NAALADL2: variants seen among roughly 807,000 people sequenced by gnomAD.
NAALADL2 encodes N-acetylated alpha-linked acidic dipeptidase like 2.
A neutral mutation model predicts 87.2 loss-of-function variants in NAALADL2; 76 were observed. The observed-to-expected ratio is 0.87, with a 90% CI of 0.72 to 1.05. The LOEUF is 1.05. Among genes scored for constraint, NAALADL2 ranks in the 50% least tolerant of loss-of-function variants. The pLI is 0.00. For synonymous variants in NAALADL2, 354 were observed against 331.0 expected, an observed-to-expected ratio of 1.07 and a Z score of -0.75; for missense variants, 1,089 against 945.8, an observed-to-expected ratio of 1.15 and a Z score of -1.99.
intron 3 of NAALADL2, among the ~76,000 whole-genome samples, chr3:174,767,681 T>C (rs1714007394): frequency 6.6e-6 from 1 of 152,250 alleles, no homozygotes; most frequent in Non-Finnish European, 1.5e-5. Flanking sequence ...GACATGTTCA[T>C]GTAAATGAAC....
chr3:174,841,221 C>A (rs973369191), intron 3 of NAALADL2, among the ~76,000 whole-genome samples: 4 of 152,096 alleles, frequency 2.6e-5, no homozygotes, highest in Admixed American at 6.5e-5. Flanking sequence ...TGAATTGAAA[C>A]CAAACCACTT....
At chr3:174,840,549 C>T (rs544742923) in intron 3 of NAALADL2, among the ~76,000 whole-genome samples, 2 of 152,140 alleles carry the variant, frequency 1.3e-5, no homozygotes, top group Admixed American at 1.3e-4. Context: ...GCATTTTTGC[C>T]TCTATTTTTA....
intron 2 of NAALADL2, among the ~76,000 whole-genome samples, chr3:174,686,603 C>T (rs953172972): frequency 1.3e-5 from 2 of 151,688 alleles, no homozygotes; most frequent in Non-Finnish European, 2.9e-5. Context: ...ACACATAGAA[C>T]AATGGAACAG....
chr3:175,327,537 T>C (rs1357948643), intron 5 of NAALADL2, among the ~76,000 whole-genome samples: 2 of 152,152 alleles, frequency 1.3e-5, no homozygotes, highest in Non-Finnish European at 2.9e-5. Flanking sequence ...AAAATTTACA[T>C]AAATTAAAAT....
intron 9 of NAALADL2, among the ~76,000 whole-genome samples, chr3:175,555,937 C>T (rs1715197066): frequency 6.6e-6 from 1 of 152,106 alleles, no homozygotes; most frequent in African/African-American, 2.4e-5. Context: ...AATGAAAAAG[C>T]CTCTTAATTC....
At chr3:174,744,242 C>T (rs967970740) in intron 3 of NAALADL2, among the ~76,000 whole-genome samples, 2 of 151,718 alleles carry the variant, frequency 1.3e-5, no homozygotes, top group African/African-American at 2.4e-5. Context: ...TCCAGGCGGG[C>T]CCAATGTAAT....
chr3:175,163,642 A>G (rs1252943664), intron 2 of NAALADL2, among the ~76,000 whole-genome samples: 1 of 152,144 alleles, frequency 6.6e-6, no homozygotes, highest in Non-Finnish European at 1.5e-5. Flanking sequence ...CATGACTAGT[A>G]TAAAAAGACC....
chr3:174,813,099 C>A (rs1720398926), intron 3 of NAALADL2, among the ~76,000 whole-genome samples: 1 of 152,128 alleles, frequency 6.6e-6, no homozygotes, highest in Non-Finnish European at 1.5e-5. Context: ...CACTGACTCA[C>A]CAGAACAACT....
intron 2 of NAALADL2, among the ~76,000 whole-genome samples, chr3:174,589,406 C>T (rs1717112324): frequency 6.6e-6 from 1 of 152,124 alleles, no homozygotes; most frequent in South Asian, 2.1e-4. Context: ...GTGAGACCAA[C>T]CCGGTACCTC....
In NAALADL2 at chr3:174,827,682, T is replaced by C. The variant is rs201167299; in HGVS notation, c.-9+89936T>C. Among the ~76,000 whole-genome samples the C allele has an allele frequency of 3.9e-5, 6 of 152,368 alleles. No individual in the cohort carries two copies. In the East Asian group the frequency reaches 1.2e-3, roughly 29 times the overall value. The stretch of plus-strand genomic sequence containing the variant: ...CAAACAGGTTCAATGTATTGGGATA[T>C]GGACATTTTAGGAGTCGTTATACAG... On this transcript the variant is annotated intron_variant, in intron 3 of 3. Coordinates refer to the NAALADL2 transcript ENST00000434257.
At chr3:174,606,552 C>T (rs971176794) in intron 2 of NAALADL2, among the ~76,000 whole-genome samples, 6 of 152,024 alleles carry the variant, frequency 3.9e-5, no homozygotes, top group Non-Finnish European at 7.4e-5. Flanking sequence ...ATGTGATCAA[C>T]TGGAAGAAAG....
intron 13 of NAALADL2, among the ~76,000 whole-genome samples, chr3:175,765,211 C>T (rs1036367665): frequency 2.6e-5 from 4 of 152,072 alleles, no homozygotes; most frequent in Admixed American, 6.5e-5. Flanking sequence ...AGGTTGAAGA[C>T]CTGGCTCATA....
At chr3:175,700,767 G>A (rs2149964738) in intron 11 of NAALADL2, among the ~76,000 whole-genome samples, 1 of 152,092 alleles carries the variant, frequency 6.6e-6, no homozygotes, top group East Asian at 1.9e-4. Flanking sequence ...ACCCTGGTTT[G>A]TATTTTTATA....
At chr3:175,772,760 A>T (rs1749679987) in intron 13 of NAALADL2, among the ~76,000 whole-genome samples, 1 of 152,100 alleles carries the variant, frequency 6.6e-6, no homozygotes, top group Non-Finnish European at 1.5e-5. Flanking sequence ...AGCTTTAATA[A>T]TTCCAAATAT....
chr3:175,758,206 C>G (rs1473086570), intron 13 of NAALADL2, among the ~76,000 whole-genome samples: 1 of 151,842 alleles, frequency 6.6e-6, no homozygotes, highest in Admixed American at 6.6e-5. Flanking sequence ...TACAGTATAC[C>G]TTGTGTTCTC....
At chr3:174,904,149 T>C (rs9290524) in intron 1 of NAALADL2, among the ~76,000 whole-genome samples, 2 of 151,352 alleles carry the variant, frequency 1.3e-5, no homozygotes, top group African/African-American at 2.4e-5. Flanking sequence ...ATGCAACATA[T>C]ACAATCCACC....
At position 175,808,923 on chromosome 3, in the gene NAALADL2, T is replaced by G. The variant is rs917493182; in HGVS notation, c.*5720T>G. 2 of 152,014 alleles carry G rather than the reference T, an allele frequency of 1.3e-5. No individual in the cohort carries two copies. Among genetic ancestry groups the G allele is most frequent in the Non-Finnish European group, 2.9e-5 (2 of 67,954 alleles). 9.4% of individuals were successfully genotyped at this position (152,014 alleles called of 1,614,324 possible). On this transcript the variant is annotated 3_prime_UTR_variant, in exon 14 of 14. Transcript: ENST00000454872. ...GTAATTATTTAATTATCTAGCCTGC[T>G]CAGTAATCATAACTCTCCAACTTCT...
chr3:175,706,196 A>G (rs904526552), intron 11 of NAALADL2, among the ~76,000 whole-genome samples: 21 of 152,054 alleles, frequency 1.4e-4, no homozygotes, highest in Non-Finnish European at 2.9e-5. Context: ...CATTCGAATC[A>G]TATCTGTCTT....
chr3:175,793,515 C>T (rs991530579), intron 13 of NAALADL2, among the ~76,000 whole-genome samples: 20 of 151,704 alleles, frequency 1.3e-4, no homozygotes, highest in African/African-American at 4.3e-4. Flanking sequence ...CGGGGTTACA[C>T]CGTGTTAGCC....
Sources: allele counts gnomAD v4.1 joint callset (sites outside exome capture counted in the v4.1 genomes callset), GRCh38; gene constraint gnomAD v4.1.1; transcripts MANE v1.5; gene names NCBI Gene and HGNC (gene_info 2026-07-23, HGNC 2026-07-21).